The following IGFL2 variants were observed in gnomAD, a reference collection of about 807,000 sequenced individuals.
The protein encoded by IGFL2 is insulin growth factor-like family member 2.
Under a neutral mutation model 13.9 loss-of-function variants are expected in IGFL2, and 7 were observed. That is an observed-to-expected ratio of 0.51 (90% CI 0.29 to 0.95). IGFL2 has a LOEUF of 0.95. Ranked by LOEUF, IGFL2 falls within the 40% of genes least tolerant of loss-of-function variation. The pLI is 0.08. For synonymous variants in IGFL2, 55 were observed against 55.8 expected, an observed-to-expected ratio of 0.99 and a Z score of 0.07; for missense variants, 138 against 147.8, an observed-to-expected ratio of 0.93 and a Z score of 0.34.
chr19:46,212,142 C>T, the IGFL2 span: 5 of 152,062 alleles, frequency 3.3e-5, no homozygotes, highest in African/African-American at 1.2e-4. Flanking sequence ...TCCTGGAAAA[C>T]AACACTCTAC....
intron 1 of IGFL2, among the ~76,000 whole-genome samples, chr19:46,157,617 TA>T (rs1049394505): frequency 3.3e-5 from 5 of 152,104 alleles, no homozygotes; most frequent in African/African-American, 9.7e-5. Flanking sequence ...AAAACAGGAA[TA>T]GGGGGAATTT....
At chr19:46,189,146 G>A in the IGFL2 span, 1 of 159,012 alleles carries the variant, frequency 6.3e-6, no homozygotes, top group Non-Finnish European at 1.4e-5. Context: ...GGGGCAGGGT[G>A]AGCAGTGTGA....
At chr19:46,170,270 G>GA in the IGFL2 span, among the ~76,000 whole-genome samples, 3 of 151,868 alleles carry the variant, frequency 2.0e-5, no homozygotes, top group Admixed American at 2.0e-4. Context: ...CGAATGGAGG[G>GA]ACCTGCTGAA....
chr19:46,212,006 C>G, the IGFL2 span: 2 of 152,148 alleles, frequency 1.3e-5, no homozygotes, highest in African/African-American at 4.8e-5. Flanking sequence ...CATAAACAAT[C>G]TAGCACAGCA....
At chr19:46,121,714 T>A in the IGFL2 span, among the ~76,000 whole-genome samples, 1 of 150,692 alleles carries the variant, frequency 6.6e-6, no homozygotes, top group African/African-American at 2.5e-5. Flanking sequence ...TTAGAAAATG[T>A]AGGTAAAGAA....
chr19:46,187,090 C>G, the IGFL2 span, among the ~76,000 whole-genome samples: 1 of 152,252 alleles, frequency 6.6e-6, no homozygotes, highest in African/African-American at 2.4e-5. Flanking sequence ...TGAAAGATGT[C>G]AGACCTGCTG....
At chr19:46,096,445 A>G in the IGFL2 span, among the ~76,000 whole-genome samples, 1 of 152,092 alleles carries the variant, frequency 6.6e-6, no homozygotes, top group South Asian at 2.1e-4. Context: ...TTTTCTAGTT[A>G]TAGGATCATG....
chr19:46,153,564 T>C (rs905523695), intron 1 of IGFL2, among the ~76,000 whole-genome samples: 1 of 152,218 alleles, frequency 6.6e-6, no homozygotes, highest in Admixed American at 6.5e-5. Flanking sequence ...TATGTACATA[T>C]TGTTTTATGC....
the IGFL2 span, among the ~76,000 whole-genome samples, chr19:46,124,992 G>A: frequency 1.4e-4 from 20 of 141,204 alleles, 1 homozygote; most frequent in Admixed American, 7.1e-5. Context: ...TTCAAGCTCC[G>A]ACATTGAGGA....
In IGFL2 at chr19:46,156,807, T is replaced by C. The variant is rs193147925; in HGVS notation, c.20-3608T>C. Among the ~76,000 whole-genome samples, 8 of 152,044 alleles carry C rather than the reference T, an allele frequency of 5.3e-5. No homozygotes were observed. In the East Asian group the frequency reaches 1.5e-3, roughly 29 times the overall value. Reference sequence around the variant, plus strand: ...AAGAGGAGAGCAGGAGTCGATAAAATTGAAAACAGAAAAACAGTCTAGAAA... The same window carrying C: ...AAGAGGAGAGCAGGAGTCGATAAAACTGAAAACAGAAAAACAGTCTAGAAA... On this transcript the variant is annotated intron_variant, in intron 1 of 3. Coordinates refer to ENST00000377693, the MANE Select transcript of IGFL2 (RefSeq NM_001135113.2).
the IGFL2 span, among the ~76,000 whole-genome samples, chr19:46,187,479 C>T: frequency 7.1e-6 from 1 of 140,500 alleles, no homozygotes; most frequent in Non-Finnish European, 1.5e-5. Flanking sequence ...AGCATTAACC[C>T]GTTTAAACCT....
At chr19:46,196,792 C>T in the IGFL2 span, 1 of 152,630 alleles carries the variant, frequency 6.6e-6, no homozygotes, top group Non-Finnish European at 1.5e-5. Flanking sequence ...AGTGCTGCCG[C>T]AGGCTGGGGT....
the IGFL2 span, among the ~76,000 whole-genome samples, chr19:46,086,394 G>C: frequency 6.6e-6 from 1 of 151,922 alleles, no homozygotes; most frequent in Admixed American, 6.6e-5. Flanking sequence ...GTATTCCACT[G>C]TCCACTCCAA....
chr19:46,144,190 A>G (rs552363813), upstream of IGFL2, among the ~76,000 whole-genome samples: 21 of 152,388 alleles, frequency 1.4e-4, no homozygotes, highest in African/African-American at 5.0e-4. Flanking sequence ...GAATGAGTGA[A>G]TATGGCTGTG....
chr19:46,150,517 A>G (rs1489812116), intron 1 of IGFL2, among the ~76,000 whole-genome samples: 1 of 152,192 alleles, frequency 6.6e-6, no homozygotes, highest in African/African-American at 2.4e-5. Flanking sequence ...ATAATTGTGT[A>G]TATTTATGGG....
At chr19:46,176,099 C>T in the IGFL2 span, among the ~76,000 whole-genome samples, 4 of 146,196 alleles carry the variant, frequency 2.7e-5, no homozygotes, top group South Asian at 2.2e-4. Context: ...GTGATCTGCC[C>T]GCCTCGGCCT....
chr19:46,087,085 G>C, the IGFL2 span, among the ~76,000 whole-genome samples: 5 of 152,212 alleles, frequency 3.3e-5, no homozygotes, highest in African/African-American at 1.2e-4. Context: ...AGCAGGTCCA[G>C]GCAGGCCAAT....
chr19:46,107,818 G>A, the IGFL2 span, among the ~76,000 whole-genome samples: 169 of 152,292 alleles, frequency 1.1e-3, no homozygotes, highest in Admixed American at 4.8e-3. Flanking sequence ...GGCCCCTCTG[G>A]GTCTAGGGCA....
chr19:46,119,211 A>C, the IGFL2 span, among the ~76,000 whole-genome samples: 1 of 152,160 alleles, frequency 6.6e-6, no homozygotes, highest in Non-Finnish European at 1.5e-5. Flanking sequence ...TCCAGGGTAC[A>C]CCACACTTAG....
Sources: gnomAD v4.1 joint callset for allele counts (sites outside exome capture counted in the v4.1 genomes callset) on GRCh38, gnomAD v4.1.1 for gene constraint, MANE v1.5 for transcripts, NCBI Gene and HGNC (gene_info 2026-07-23, HGNC 2026-07-21) for gene names.